The following MORC1 variants were observed in gnomAD, a reference collection of about 807,000 sequenced individuals.
MORC1 encodes the protein MORC family CW-type zinc finger protein 1.
In MORC1, 59 loss-of-function variants were observed where a neutral mutation model predicts 134.9. The observed-to-expected ratio is 0.44, with a 90% CI of 0.35 to 0.54. The LOEUF (loss-of-function observed/expected upper bound fraction) is 0.54. Ranked by LOEUF, MORC1 falls within the 20% of genes least tolerant of loss-of-function variation. The pLI is 0.00. For missense variants in MORC1, 947 were observed against 1,134.5 expected, an observed-to-expected ratio of 0.83 and a Z score of 2.37; for synonymous variants, 395 against 391.7, an observed-to-expected ratio of 1.01 and a Z score of -0.10.
intron 3 of MORC1, among the ~76,000 whole-genome samples, chr3:109,108,879 G>A (rs1000397065): frequency 2.8e-5 from 4 of 145,100 alleles, no homozygotes; most frequent in African/African-American, 5.1e-5. Context: ...CAGCCTGGGC[G>A]ACAGAGCGAG....
chr3:108,999,615 C>T (rs1948340466), intron 21 of MORC1, among the ~76,000 whole-genome samples: 1 of 152,126 alleles, frequency 6.6e-6, no homozygotes, highest in African/African-American at 2.4e-5. Flanking sequence ...ATCTATATAG[C>T]ATTTTGAGGG....
chr3:109,070,479 C>T (rs1300740546), intron 8 of MORC1, among the ~76,000 whole-genome samples: 1 of 152,046 alleles, frequency 6.6e-6, no homozygotes. Flanking sequence ...TATTAAAGTC[C>T]GTTTATGAAC....
At chr3:109,010,275 A>G (rs1428024492) in intron 17 of MORC1, among the ~76,000 whole-genome samples, 1 of 152,226 alleles carries the variant, frequency 6.6e-6, no homozygotes, top group Non-Finnish European at 1.5e-5. Flanking sequence ...ATGCTTACCA[A>G]AATGATAATT....
chr3:109,000,599 T>C lies in MORC1; in HGVS notation c.2145A>G (p.Val715=), dbSNP rs768631269. The C allele has an allele frequency of 5.6e-6, 9 of 1,611,712 alleles. No individual in the cohort carries two copies. The highest frequency in any genetic ancestry group is 3.3e-5 in the South Asian group (3 of 90,656). ...CACTCGTGTTCTCATCTTCAGTCAA[T>C]ACCTTACATTCCTCTACAAAGTTCA... The part of the protein sequence containing the change: ...QSLNFVEECK[V]LTEDENTSDS... Residue 715 remains valine (V), a synonymous_variant, in exon 21 of 28, where the codon GTA becomes GTG. Coordinates refer to ENST00000232603, the MANE Select transcript of MORC1 (RefSeq NM_014429.4).
chr3:109,073,555 A>G (rs1950363950), intron 8 of MORC1, among the ~76,000 whole-genome samples: 1 of 152,142 alleles, frequency 6.6e-6, no homozygotes, highest in Admixed American at 6.6e-5. Context: ...CATTATTCAC[A>G]CTGGGCACAC....
intron 8 of MORC1, among the ~76,000 whole-genome samples, 159 bp from the exon 9 acceptor site, chr3:109,069,916 C>T (rs1270912494): frequency 6.6e-6 from 1 of 152,198 alleles, no homozygotes; most frequent in Non-Finnish European, 1.5e-5. Context: ...CAGCAAATAT[C>T]ACAACACTCA....
At chr3:109,077,830 A>C (rs192664374) in intron 8 of MORC1, among the ~76,000 whole-genome samples, 1 of 145,536 alleles carries the variant, frequency 6.9e-6, no homozygotes, top group African/African-American at 2.7e-5. Context: ...TAGAATAAGC[A>C]AAAAAAAAAT....
At chr3:109,094,182 C>T (rs368747997) in intron 7 of MORC1, among the ~76,000 whole-genome samples, 2 of 152,172 alleles carry the variant, frequency 1.3e-5, no homozygotes, top group African/African-American at 4.8e-5. Flanking sequence ...ACATTTGACC[C>T]GAGACCATAA....
At chr3:109,087,436 C>T (rs1007674309) in intron 8 of MORC1, among the ~76,000 whole-genome samples, 6 of 152,020 alleles carry the variant, frequency 3.9e-5, no homozygotes, top group Non-Finnish European at 7.4e-5. Flanking sequence ...TAACAACAGC[C>T]AAGCCAAGAG....
intron 26 of MORC1, among the ~76,000 whole-genome samples, chr3:108,966,540 T>C (rs1947225129): frequency 6.6e-6 from 1 of 152,196 alleles, no homozygotes; most frequent in South Asian, 2.1e-4. Context: ...ACAGGATTAT[T>C]AACTTCAAGG....
At chr3:109,111,418 T>C (rs1254826783) in intron 2 of MORC1, among the ~76,000 whole-genome samples, 1 of 152,170 alleles carries the variant, frequency 6.6e-6, no homozygotes, top group Non-Finnish European at 1.5e-5. Flanking sequence ...GGTGAAAATA[T>C]TTGCCATCTG....
At chr3:109,101,781 C>A (rs981725773) in intron 4 of MORC1, among the ~76,000 whole-genome samples, 7 of 152,220 alleles carry the variant, frequency 4.6e-5, no homozygotes, top group East Asian at 1.9e-4. Context: ...CTATGACCTG[C>A]ATGTCACAGA....
At chr3:109,080,979 G>T (rs1173226813) in intron 8 of MORC1, among the ~76,000 whole-genome samples, 1 of 151,986 alleles carries the variant, frequency 6.6e-6, no homozygotes, top group Non-Finnish European at 1.5e-5. Flanking sequence ...CATAAATATA[G>T]ATTTATTAGA....
chr3:109,007,527 C>A (rs2107539733), intron 17 of MORC1, among the ~76,000 whole-genome samples: 1 of 152,324 alleles, frequency 6.6e-6, no homozygotes, highest in African/African-American at 2.4e-5. Context: ...CTGGCCTCGA[C>A]TGTGTCCTTA....
Position 109,016,880 on chromosome 3 carries a change from AAAAG to A in MORC1, c.1705-9793_1705-9790del, listed in dbSNP as rs1262475524. On this transcript the variant is annotated intron_variant, in intron 17 of 27. Transcript: ENST00000232603. ...ACTCCATCTCAAAAAAAGAAAAAAG[AAAAG>A]AAAGAAAAAAGGAAAAGGTCCCATC... Among the ~76,000 whole-genome samples, 3 of 152,244 alleles carry A rather than the reference AAAAG, an allele frequency of 2.0e-5. No homozygotes were observed. The East Asian group carries it at 5.8e-4, about 29-fold the overall frequency.
intron 16 of MORC1, among the ~76,000 whole-genome samples, chr3:109,030,100 G>T (rs1949206249): frequency 6.6e-6 from 1 of 152,092 alleles, no homozygotes; most frequent in Non-Finnish European, 1.5e-5. Flanking sequence ...GTTGGTAATG[G>T]CCTTGCTGAC....
intron 4 of MORC1, among the ~76,000 whole-genome samples, chr3:109,101,909 C>T (rs2107781676): frequency 6.6e-6 from 1 of 152,292 alleles, no homozygotes; most frequent in Middle Eastern, 3.4e-3. Flanking sequence ...TGGTATAGCT[C>T]TGAACCAAAT....
chr3:108,984,689 G>T, intron 23 of MORC1, 27 bp downstream of exon 23: 1 of 1,505,626 alleles, frequency 6.6e-7, no homozygotes, highest in Non-Finnish European at 9.1e-7. Flanking sequence ...CACTCACTTG[G>T]AATTTGTATA....
intron 17 of MORC1, among the ~76,000 whole-genome samples, chr3:109,013,735 T>C (rs1028620610): frequency 1.3e-5 from 2 of 152,050 alleles, no homozygotes; most frequent in African/African-American, 4.8e-5. Flanking sequence ...CTTGAATGTG[T>C]CCCCCCAAAA....
Sources: allele counts gnomAD v4.1 joint callset (sites outside exome capture counted in the v4.1 genomes callset), GRCh38; gene constraint gnomAD v4.1.1; transcripts MANE v1.5; gene names NCBI Gene and HGNC (gene_info 2026-07-23, HGNC 2026-07-21).